Variants in SLC4A8 observed in about 807,000 individuals in gnomAD.
The protein encoded by SLC4A8 is electroneutral sodium bicarbonate exchanger 1.
A neutral mutation model predicts 125.0 loss-of-function variants in SLC4A8; 40 were observed. The ratio of observed to expected loss-of-function variants is 0.32; its 90% CI spans 0.25 to 0.42. The LOEUF (loss-of-function observed/expected upper bound fraction) is 0.42. Ranked by LOEUF, SLC4A8 falls within the 10% of genes least tolerant of loss-of-function variation. The probability of loss-of-function intolerance (pLI) is 1.00; values close to 1 mark genes in which losing one functional copy is unlikely to be tolerated. For missense variants in SLC4A8, 863 were observed against 1,355.1 expected, an observed-to-expected ratio of 0.64 and a Z score of 5.70; for synonymous variants, 456 against 476.0, an observed-to-expected ratio of 0.96 and a Z score of 0.55.
Position 51,515,316 on chromosome 12 carries a change from GTGTC to G in SLC4A8, c.*7889_*7892del, listed in dbSNP as rs1938494604. On this transcript the variant is annotated 3_prime_UTR_variant, in exon 25 of 25. Coordinates refer to ENST00000453097, the MANE Select transcript of SLC4A8 (RefSeq NM_001039960.3). ...CATAAAGCCTCCCTCTTGTTTATCT[GTGTC>G]TGTCTGTCTGATTGGTTAGATTTGG... 6.6e-6 allele frequency: 1 copy of G among 152,162 alleles called. No individual in the cohort carries two copies. Among genetic ancestry groups the G allele is most frequent in the Non-Finnish European group, 1.5e-5 (1 of 68,046 alleles). The allele number at this position is 152,162 out of a possible 1,614,324, so 9.4% of individuals were successfully genotyped here.
chr12:51,400,027 A>C (rs1431960689), intron 1 of SLC4A8, among the ~76,000 whole-genome samples: 1 of 150,542 alleles, frequency 6.6e-6, no homozygotes, highest in Non-Finnish European at 1.5e-5. Context: ...CAAAGGTAGC[A>C]CAGAGGTACG....
At chr12:51,426,257 T>G (rs1948973531) in intron 1 of SLC4A8, among the ~76,000 whole-genome samples, 1 of 152,218 alleles carries the variant, frequency 6.6e-6, no homozygotes, top group Non-Finnish European at 1.5e-5. Flanking sequence ...TTGCTCTGTC[T>G]GAAAAGAACA....
At chr12:51,486,189 G>A (rs751194593) in intron 17 of SLC4A8, among the ~76,000 whole-genome samples, 1 of 152,050 alleles carries the variant, frequency 6.6e-6, no homozygotes, top group Non-Finnish European at 1.5e-5. Flanking sequence ...TTAAACAATG[G>A]AATGTGCACA....
chr12:51,447,986 T>C (rs1565782947), intron 2 of SLC4A8, among the ~76,000 whole-genome samples: 1 of 152,216 alleles, frequency 6.6e-6, no homozygotes, highest in Non-Finnish European at 1.5e-5. Flanking sequence ...CCCAAAGTGC[T>C]GGGACTACAG....
In SLC4A8 at chr12:51,497,026, T is replaced by G. The variant is rs370683128; in HGVS notation, c.2983T>G (p.Cys995Gly). 3 of 1,614,008 alleles carry G rather than the reference T, an allele frequency of 1.9e-6. No individual in the cohort carries two copies. Among genetic ancestry groups the G allele is most frequent in the Non-Finnish European group, 2.5e-6 (3 of 1,180,002 alleles). Reference sequence around the variant, plus strand: ...CTTTGTCAGGAAAGTCATGGATCTCTGTTTCTCTAAGCGAGAGCTGAGCTG... The same window carrying G: ...CTTTGTCAGGAAAGTCATGGATCTCGGTTTCTCTAAGCGAGAGCTGAGCTG... ...LVFVRKVMDL[C>G]FSKRELSWLD... The change falls in exon 22 of 25, where the codon TGT (cysteine) becomes GGT (glycine). Residue 995 changes from cysteine to glycine, a missense_variant. Physicochemically the swap from Cys to Gly is radical, Grantham distance 159. Coordinates refer to ENST00000453097, the MANE Select transcript of SLC4A8 (RefSeq NM_001039960.3).
intron 1 of SLC4A8, among the ~76,000 whole-genome samples, chr12:51,405,033 G>T (rs2137947714): frequency 6.6e-6 from 1 of 152,304 alleles, no homozygotes; most frequent in African/African-American, 2.4e-5. Flanking sequence ...GTCTGGCAGG[G>T]AAGAAGCAGA....
At chr12:51,443,019 C>T (rs1412720985) in intron 2 of SLC4A8, among the ~76,000 whole-genome samples, 2 of 152,144 alleles carry the variant, frequency 1.3e-5, no homozygotes, top group African/African-American at 2.4e-5. Flanking sequence ...CCCTTTATGT[C>T]ATAACTTCTG....
chr12:51,402,450 A>G (rs754604131), intron 1 of SLC4A8, among the ~76,000 whole-genome samples: 8 of 152,208 alleles, frequency 5.3e-5, no homozygotes, highest in Non-Finnish European at 1.2e-4. Context: ...GGCCTGGCAC[A>G]GTAGCTCACG....
intron 1 of SLC4A8, 197 bp downstream of exon 1, chr12:51,425,232 G>C (rs1323208872): frequency 5.1e-6 from 7 of 1,375,552 alleles, no homozygotes; most frequent in Non-Finnish European, 6.6e-6. Context: ...AGTGACCTTG[G>C]GCCGAACCTG....
intron 19 of SLC4A8, among the ~76,000 whole-genome samples, chr12:51,492,876 T>G (rs1324019647): frequency 6.6e-6 from 1 of 151,396 alleles, no homozygotes; most frequent in African/African-American, 2.4e-5. Flanking sequence ...GTGTGTGATG[T>G]TCCCCTCTCT....
chr12:51,454,333 G>A (rs1333244280), intron 5 of SLC4A8, among the ~76,000 whole-genome samples: 2 of 151,918 alleles, frequency 1.3e-5, no homozygotes, highest in Non-Finnish European at 2.9e-5. Flanking sequence ...TTCTCATAAG[G>A]TGGGACGAGA....
At chr12:51,470,627 T>C in intron 13 of SLC4A8, 102 bp downstream of exon 13, 1 of 1,134,980 alleles carries the variant, frequency 8.8e-7, no homozygotes, top group Non-Finnish European at 1.3e-6. Flanking sequence ...AATATCATTT[T>C]GGATTGTAAG....
At chr12:51,485,760 CAT>C (rs762017710) in intron 16 of SLC4A8, 25 bp from the exon 17 acceptor site, 4 of 1,318,058 alleles carry the variant, frequency 3.0e-6, no homozygotes, top group Middle Eastern at 3.6e-4. Context: ...CCTGCCAAAA[CAT>C]GTGTCCACTT....
chr12:51,503,456 C>T (rs1162110258), intron 22 of SLC4A8, among the ~76,000 whole-genome samples: 1 of 152,098 alleles, frequency 6.6e-6, no homozygotes. Context: ...CATGATCTGC[C>T]CACCTCAGCC....
rs564084688 is a variant in SLC4A8 at position 51,425,300 on chromosome 12, C to T, written c.48+265C>T. On this transcript the variant is annotated intron_variant, in intron 1 of 24. Coordinates refer to ENST00000453097, the MANE Select transcript of SLC4A8 (RefSeq NM_001039960.3). ...CCGCCCGCCCAGGAGCCCTGACAGC[C>T]GGCGGGCGGCGACCTCTTGTTCTCC... 21 of 1,280,368 alleles carry T rather than the reference C, an allele frequency of 1.6e-5. No homozygotes were observed. In the Middle Eastern group the frequency reaches 1.2e-3, roughly 73 times the overall value. 79.3% of individuals were successfully genotyped at this position (1,280,368 alleles called of 1,614,324 possible). A position where few individuals can be genotyped will look rare whatever the true frequency, so the allele number is the denominator to read the frequency against.
chr12:51,424,037 CAAAAA>C (rs35611847), upstream of SLC4A8, among the ~76,000 whole-genome samples: 1 of 38,216 alleles, frequency 2.6e-5, no homozygotes, highest in Non-Finnish European at 4.5e-5. Context: ...ACTTCGTCTC[CAAAAA>C]AAAAAAAAAA....
chr12:51,448,315 T>C (rs1472787055), intron 2 of SLC4A8, among the ~76,000 whole-genome samples: 4 of 151,946 alleles, frequency 2.6e-5, no homozygotes, highest in African/African-American at 9.7e-5. Flanking sequence ...AGAAAGGGAA[T>C]GGAGTTGAAA....
rs1231409997 is a variant in SLC4A8, at chr12:51,397,078, T to C, written c.-112+5590T>C. On this transcript the variant is annotated intron_variant, in intron 1 of 24. Transcript: ENST00000358657. ...CCGAGTAGCTGGGATTACAGGTGTG[T>C]GCCACCACACCCGGCTAATTTTTGT... Among the ~76,000 whole-genome samples, 400 of 152,018 alleles carry C rather than the reference T, an allele frequency of 2.6e-3. 1 individual carries two copies. The highest frequency in any genetic ancestry group is 9.3e-3 in the African/African-American group (384 of 41,472).
chr12:51,452,170 T>G lies in SLC4A8; in HGVS notation c.324T>G (p.Asp108Glu). The G allele has an allele frequency of 6.2e-7, 1 of 1,614,122 alleles. No homozygotes were observed. The highest frequency in any genetic ancestry group is 2.2e-5 in the East Asian group (1 of 44,894). Reference sequence around the variant, plus strand: ...AGTTCATTCTTGGCACCGAGGAAGATGAAGAGCATGTGCCTCATGAGCTGT... The same window carrying G: ...AGTTCATTCTTGGCACCGAGGAAGAGGAAGAGCATGTGCCTCATGAGCTGT... Reference protein sequence around the residue: ...RVQFILGTEEDEEHVPHELFT... With the variant: ...RVQFILGTEEEEEHVPHELFT... Residue 108 changes from aspartate to glutamate, a missense_variant, in exon 4 of 25, where the codon GAT becomes GAG. Coordinates refer to ENST00000453097, the MANE Select transcript of SLC4A8 (RefSeq NM_001039960.3).
Sources: allele counts gnomAD v4.1 joint callset (sites outside exome capture counted in the v4.1 genomes callset), GRCh38; gene constraint gnomAD v4.1.1; transcripts MANE v1.5; gene names NCBI Gene and HGNC (gene_info 2026-07-23, HGNC 2026-07-21).